Variants in SHC4 observed in about 807,000 individuals in gnomAD.
SHC4 encodes the protein SHC-transforming protein 4.
A neutral mutation model predicts 69.4 loss-of-function variants in SHC4; 41 were observed. The observed-to-expected ratio is 0.59, with a 90% CI of 0.46 to 0.77. The LOEUF is 0.77. SHC4 is among the 30% of genes least tolerant of loss of function. The probability of loss-of-function intolerance (pLI) is 0.00; values close to 1 mark genes in which losing one functional copy is unlikely to be tolerated. For synonymous variants in SHC4, 318 were observed against 299.3 expected (o/e 1.06, Z -0.64); for missense variants, 777 against 783.8 (o/e 0.99, Z 0.10).
chr15:48,930,133 T>C (rs954193662), intron 1 of SHC4, among the ~76,000 whole-genome samples: 2 of 152,220 alleles, frequency 1.3e-5, no homozygotes, highest in South Asian at 4.1e-4. Context: ...ATTCTTATAC[T>C]CTTAGAAAGA....
chr15:48,928,466 C>T lies in SHC4; in HGVS notation c.586-3517G>A, dbSNP rs150722563. ...AACAGGAGGGGGACAAAGGGACAAA[C>T]GGAAACAGCTGGAACAAGGACACCC... On this transcript the variant is annotated intron_variant, in intron 1 of 11. Coordinates refer to ENST00000332408, the MANE Select transcript of SHC4 (RefSeq NM_203349.4). 3.0e-4 allele frequency among the ~76,000 whole-genome samples: 45 copies of T among 152,044 alleles called. 1 individual carries two copies. The highest frequency in any genetic ancestry group is 6.3e-4 in the Non-Finnish European group (43 of 67,972).
At chr15:48,954,779 A>G (rs192699375) in intron 1 of SHC4, among the ~76,000 whole-genome samples, 40 of 152,174 alleles carry the variant, frequency 2.6e-4, no homozygotes, top group African/African-American at 9.2e-4. Context: ...GCCCAGAGGC[A>G]CCCCCTAGGC....
At chr15:48,846,988 GA>G (rs369170478) in intron 9 of SHC4, among the ~76,000 whole-genome samples, 8 of 132,926 alleles carry the variant, frequency 6.0e-5, no homozygotes, top group Non-Finnish European at 8.0e-5. Flanking sequence ...ATAGAGTACT[GA>G]AAAAAAAAAG....
At chr15:48,923,014 G>A (rs1052114520) in intron 2 of SHC4, among the ~76,000 whole-genome samples, 1 of 152,182 alleles carries the variant, frequency 6.6e-6, no homozygotes, top group Non-Finnish European at 1.5e-5. Context: ...AATATCCAGT[G>A]AGCCTCTGCC....
At position 48,963,426 on chromosome 15, in the gene SHC4, C is replaced by T. The variant is rs945824561; in HGVS notation, c.-411G>A. 1.0e-5 allele frequency: 2 copies of T among 197,956 alleles called. No individual in the cohort carries two copies. Among genetic ancestry groups the T allele is most frequent in the Non-Finnish European group, 2.1e-5 (2 of 96,676 alleles). The allele number at this position is 197,956 out of a possible 1,614,324, so 12.3% of individuals were successfully genotyped here. A position where few individuals can be genotyped will look rare whatever the true frequency, so the allele number is the denominator to read the frequency against. Reference sequence around the variant, plus strand: ...ATATTTAGCACCCGACTCCCACCCTCACCCCAGCCTTCTGTTCTGCACACA... The same window carrying T: ...ATATTTAGCACCCGACTCCCACCCTTACCCCAGCCTTCTGTTCTGCACACA... On this transcript the variant is annotated 5_prime_UTR_variant, in exon 1 of 12. Transcript: ENST00000332408.
At chr15:48,926,817 T>C (rs1262182173) in intron 1 of SHC4, among the ~76,000 whole-genome samples, 1 of 152,142 alleles carries the variant, frequency 6.6e-6, no homozygotes, top group Non-Finnish European at 1.5e-5. Flanking sequence ...ATGCACCGAG[T>C]GCTGCCTGGA....
At chr15:48,872,042 G>T in intron 5 of SHC4, 47 bp downstream of exon 5, 1 of 1,193,836 alleles carries the variant, frequency 8.4e-7, no homozygotes. Context: ...CAAATGTCAA[G>T]AAGTTATTTT....
At chr15:48,870,433 T>C (rs1322008464) in intron 5 of SHC4, among the ~76,000 whole-genome samples, 1 of 152,206 alleles carries the variant, frequency 6.6e-6, no homozygotes, top group Non-Finnish European at 1.5e-5. Context: ...GTGGAACTCT[T>C]AACATTTGGT....
chr15:48,927,314 C>T (rs1010785149), intron 1 of SHC4, among the ~76,000 whole-genome samples: 1 of 152,112 alleles, frequency 6.6e-6, no homozygotes, highest in African/African-American at 2.4e-5. Context: ...AGTGGACTCC[C>T]CACACAGGCT....
Position 48,843,556 on chromosome 15 carries a change from G to A in SHC4, c.1336C>T (p.Arg446Ter), listed in dbSNP as rs773564941. Reference sequence around the variant, plus strand: ...GTGTGCTTCAATAATGAGGTATCTCGCTGGGACTGCACCCCTCTTGGATGG... The same window carrying A: ...GTGTGCTTCAATAATGAGGTATCTCACTGGGACTGCACCCCTCTTGGATGG... Reference protein sequence around the residue: ...NVHPRGVQSQRDTSLLKHTCR... With the variant: ...NVHPRGVQSQ Residue 446 changes from arginine (R) to a stop codon, truncating the protein, a stop_gained, in exon 10 of 12, where the codon CGA becomes TGA. Transcript: ENST00000332408. LOFTEE classifies it high-confidence loss of function. The A allele has an allele frequency of 3.8e-5, 62 of 1,614,074 alleles. No homozygotes were observed. Among genetic ancestry groups the A allele is most frequent in the Non-Finnish European group, 5.0e-5 (59 of 1,179,978 alleles).
At chr15:48,926,336 G>A (rs1474654111) in intron 1 of SHC4, among the ~76,000 whole-genome samples, 1 of 152,188 alleles carries the variant, frequency 6.6e-6, no homozygotes, top group African/African-American at 2.4e-5. Context: ...TATGCTCCCT[G>A]TTTAGCTTTC....
intron 6 of SHC4, among the ~76,000 whole-genome samples, chr15:48,863,822 CT>C (rs1408161022): frequency 1.3e-5 from 2 of 152,078 alleles, no homozygotes; most frequent in African/African-American, 4.8e-5. Context: ...TTGCCATGTT[CT>C]TTTGTGTGCT....
chr15:48,846,745 G>C (rs1899100771), intron 9 of SHC4, among the ~76,000 whole-genome samples: 1 of 152,172 alleles, frequency 6.6e-6, no homozygotes, highest in African/African-American at 2.4e-5. Flanking sequence ...ATGTTTATCA[G>C]CTGATTGGAC....
At position 48,856,085 on chromosome 15, in the gene SHC4, T is replaced by A. The variant is rs1567053793; in HGVS notation, c.1110A>T (p.Glu370Asp). 1 of 1,613,768 alleles carries A rather than the reference T, an allele frequency of 6.2e-7. No homozygotes were observed. Among genetic ancestry groups the A allele is most frequent in the Non-Finnish European group, 8.5e-7 (1 of 1,179,760 alleles). ...VHIDSHAEER[E>D]DHEYYNEIPG... ...GAATTTCATTGTAATATTCATGATC[T>A]TCTCTCTCCTCGGCATGGCTATCAA... Residue 370 changes from glutamate (E) to aspartate (D), a missense_variant, in exon 8 of 12, where the codon GAA becomes GAT. Physicochemically the swap from Glu to Asp is conservative, Grantham distance 45. Transcript: ENST00000332408.
At chr15:48,842,913 A>T (rs925453746) in intron 10 of SHC4, among the ~76,000 whole-genome samples, 1 of 152,322 alleles carries the variant, frequency 6.6e-6, no homozygotes, top group East Asian at 1.9e-4. Context: ...CCTGGGTGAC[A>T]GAATGAGACC....
chr15:48,846,820 C>G (rs1899102186), intron 9 of SHC4, among the ~76,000 whole-genome samples: 1 of 152,152 alleles, frequency 6.6e-6, no homozygotes, highest in Admixed American at 6.5e-5. Context: ...GTTTTGAAGA[C>G]TCTGGATCAA....
chr15:48,951,937 A>C (rs1167586972), intron 1 of SHC4, among the ~76,000 whole-genome samples: 1 of 152,190 alleles, frequency 6.6e-6, no homozygotes, highest in Non-Finnish European at 1.5e-5. Context: ...TCATTCACAT[A>C]ATGTAGTGGA....
At chr15:48,944,812 A>G (rs1016160409) in intron 1 of SHC4, among the ~76,000 whole-genome samples, 2 of 152,224 alleles carry the variant, frequency 1.3e-5, no homozygotes, top group African/African-American at 2.4e-5. Context: ...TCAGTTCAGC[A>G]GCTCTTAAAT....
chr15:48,942,928 T>C (rs1271834237), intron 1 of SHC4, among the ~76,000 whole-genome samples: 4 of 152,206 alleles, frequency 2.6e-5, no homozygotes, highest in Admixed American at 6.5e-5. Context: ...GTGTAGGTGA[T>C]ACCATGCTGG....
Sources: allele counts gnomAD v4.1 joint callset (sites outside exome capture counted in the v4.1 genomes callset), GRCh38; gene constraint gnomAD v4.1.1; transcripts MANE v1.5; gene names NCBI Gene and HGNC (gene_info 2026-07-23, HGNC 2026-07-21).